Variants in CORIN observed in about 807,000 individuals in gnomAD.
CORIN encodes corin, serine peptidase.
Under a neutral mutation model 125.3 loss-of-function variants are expected in CORIN, and 117 were observed. The observed-to-expected ratio is 0.93, with a 90% CI of 0.80 to 1.09. CORIN has a LOEUF of 1.09. Among genes scored for constraint, CORIN ranks in the 50% least tolerant of loss-of-function variants. CORIN has a pLI of 0.00. For synonymous variants in CORIN, 450 were observed against 466.4 expected, an observed-to-expected ratio of 0.96 and a Z score of 0.45; for missense variants, 1,253 against 1,306.7, an observed-to-expected ratio of 0.96 and a Z score of 0.63.
intron 10 of CORIN, among the ~76,000 whole-genome samples, chr4:47,668,287 T>A (rs1036529285): frequency 6.6e-6 from 1 of 152,236 alleles, no homozygotes; most frequent in African/African-American, 2.4e-5. Flanking sequence ...AAGAAAAAGT[T>A]CAACATCTCT....
At chr4:47,804,225 G>A (rs1731667805) in intron 2 of CORIN, among the ~76,000 whole-genome samples, 2 of 152,176 alleles carry the variant, frequency 1.3e-5, no homozygotes, top group African/African-American at 2.4e-5. Context: ...GTAAGGATAT[G>A]GAGAAAAGGG....
At chr4:47,708,103 G>A (rs1047604237) in intron 5 of CORIN, among the ~76,000 whole-genome samples, 3 of 152,192 alleles carry the variant, frequency 2.0e-5, no homozygotes, top group African/African-American at 7.2e-5. Context: ...CAGAGTTCAT[G>A]CTGTTAATAT....
chr4:47,803,122 T>C (rs1054674942), intron 2 of CORIN, among the ~76,000 whole-genome samples: 4 of 151,826 alleles, frequency 2.6e-5, no homozygotes. Flanking sequence ...TGGACACAAA[T>C]GGGCCCAGAC....
At chr4:47,619,021 G>A (rs1407852583) in intron 19 of CORIN, among the ~76,000 whole-genome samples, 1 of 152,112 alleles carries the variant, frequency 6.6e-6, no homozygotes, top group Non-Finnish European at 1.5e-5. Context: ...GGGTTTCCTG[G>A]AGAGGAATCA....
At chr4:47,596,301 TC>T (rs1217910904) in intron 21 of CORIN, among the ~76,000 whole-genome samples, 9 of 151,460 alleles carry the variant, frequency 5.9e-5, no homozygotes, top group South Asian at 2.1e-4. Context: ...GGAATAAAGA[TC>T]CCCCCCACAC....
At chr4:47,788,105 G>C (rs748393567) in intron 2 of CORIN, among the ~76,000 whole-genome samples, 2 of 152,178 alleles carry the variant, frequency 1.3e-5, no homozygotes, top group Non-Finnish European at 2.9e-5. Flanking sequence ...CACTGTACTT[G>C]AGCATGCCAC....
intron 7 of CORIN, chr4:47,680,456 T>A: frequency 2.1e-6 from 1 of 486,846 alleles, no homozygotes. Flanking sequence ...TGGGGTAAGA[T>A]GGGTCTGTTT....
rs1461408704 is a variant in CORIN at position 47,637,931 on chromosome 4, C to CA, written c.2198+3988dup. 1.6e-4 allele frequency among the ~76,000 whole-genome samples: 24 copies of CA among 152,336 alleles called. No individual in the cohort carries two copies. The South Asian group carries it at 3.5e-3, about 22-fold the overall frequency. On this transcript the variant is annotated intron_variant, in intron 16 of 21. Coordinates refer to ENST00000273857, the MANE Select transcript of CORIN (RefSeq NM_006587.4). ...ACCATATGCCTGGAAAAGCCGCAGA[C>CA]ACTCTATGCCAGCTCATGAAAGCAG...
At chr4:47,677,478 T>C (rs2109704969) in intron 9 of CORIN, among the ~76,000 whole-genome samples, 1 of 152,340 alleles carries the variant, frequency 6.6e-6, no homozygotes, top group South Asian at 2.1e-4. Flanking sequence ...ATCTAGTTTT[T>C]CTTTTTGAGA....
In CORIN at chr4:47,665,203, T is replaced by A. The variant is rs1283019386; in HGVS notation, c.1418A>T (p.Tyr473Phe). 6.2e-7 allele frequency: 1 copy of A among 1,614,076 alleles called. No individual in the cohort carries two copies. Among genetic ancestry groups the A allele is most frequent in the East Asian group, 2.2e-5 (1 of 44,866 alleles). Residue 473 changes from tyrosine (Y) to phenylalanine (F), a missense_variant, in exon 11 of 22, where the codon TAT (tyrosine) becomes TTT (phenylalanine). Transcript: ENST00000273857. ...AGTCCTGTGGCCAAAATAATTTGGA[T>A]AACTTGTACTGTTGTAGGGCAAATT... is the stretch of plus-strand genomic sequence containing the variant. ...CMNLPYNSTS[Y>F]PNYFGHRTQK...
intron 16 of CORIN, among the ~76,000 whole-genome samples, chr4:47,632,750 G>GAT (rs762094715): frequency 0.023 from 2,706 of 118,494 alleles, 99 homozygotes; most frequent in African/African-American, 0.082. Context: ...TAGATAGATA[G>GAT]ATAGATAGAT....
At chr4:47,744,293 A>T in intron 5 of CORIN, 109 bp downstream of exon 5, 1 of 1,030,430 alleles carries the variant, frequency 9.7e-7, no homozygotes, top group Non-Finnish European at 1.4e-6. Context: ...GGATCTTGTC[A>T]CTTGGTTAAA....
chr4:47,647,516 A>G (rs1577780333), intron 13 of CORIN, among the ~76,000 whole-genome samples: 1 of 152,178 alleles, frequency 6.6e-6, no homozygotes, highest in East Asian at 1.9e-4. Context: ...CTCACAAATA[A>G]TAATAATAAT....
intron 5 of CORIN, among the ~76,000 whole-genome samples, chr4:47,741,580 C>T (rs1408901089): frequency 2.0e-5 from 3 of 152,134 alleles, no homozygotes; most frequent in Non-Finnish European, 2.9e-5. Context: ...TATGTCCACA[C>T]AAAAACACAA....
At chr4:47,684,159 G>A (rs1202187072) in intron 6 of CORIN, among the ~76,000 whole-genome samples, 6 of 151,124 alleles carry the variant, frequency 4.0e-5, no homozygotes, top group African/African-American at 1.5e-4. Context: ...TGAAGTTCTT[G>A]TTCATGCAGA....
intron 20 of CORIN, 127 bp from the exon 21 acceptor site, chr4:47,600,474 T>C (rs1721409551): frequency 4.8e-6 from 3 of 624,362 alleles, no homozygotes; most frequent in Non-Finnish European, 7.5e-6. Flanking sequence ...AGGCATATTC[T>C]TTACTTGAAA....
intron 9 of CORIN, among the ~76,000 whole-genome samples, chr4:47,677,325 G>A (rs75207117): frequency 0.024 from 3,637 of 152,272 alleles, 60 homozygotes; most frequent in Non-Finnish European, 0.034. Context: ...ACTAGGCTGT[G>A]CCCGTGTAGT....
intron 5 of CORIN, among the ~76,000 whole-genome samples, chr4:47,710,489 TC>T (rs1726786250): frequency 6.6e-6 from 1 of 152,378 alleles, no homozygotes; most frequent in East Asian, 1.9e-4. Flanking sequence ...GCAGTTTCTG[TC>T]CCAAGGTTCA....
intron 14 of CORIN, 123 bp from the exon 15 acceptor site, chr4:47,643,379 C>T (rs538877329): frequency 3.8e-5 from 31 of 814,086 alleles, no homozygotes; most frequent in Admixed American, 5.9e-5. Flanking sequence ...ATCACTGAGG[C>T]TTCCAAACGG....
Sources: allele counts gnomAD v4.1 joint callset (sites outside exome capture counted in the v4.1 genomes callset), GRCh38; gene constraint gnomAD v4.1.1; transcripts MANE v1.5; gene names NCBI Gene and HGNC (gene_info 2026-07-23, HGNC 2026-07-21).